Variants in RANBP10 observed in about 807,000 individuals in gnomAD.
RANBP10 encodes the protein RAN binding protein 10.
Under a neutral mutation model 72.8 loss-of-function variants are expected in RANBP10, and 24 were observed. The observed-to-expected ratio is 0.33, with a 90% CI of 0.24 to 0.46. The LOEUF (loss-of-function observed/expected upper bound fraction) is 0.46. Among genes scored for constraint, RANBP10 ranks in the 20% least tolerant of loss-of-function variants. The probability of loss-of-function intolerance (pLI) is 1.00; values close to 1 mark genes in which losing one functional copy is unlikely to be tolerated. For synonymous variants in RANBP10, 310 were observed against 322.3 expected (o/e 0.96, Z 0.41); for missense variants, 679 against 817.5 (o/e 0.83, Z 2.07).
At chr16:67,769,320 T>TA (rs1286727753) in intron 3 of RANBP10, among the ~76,000 whole-genome samples, 1 of 151,090 alleles carries the variant, frequency 6.6e-6, no homozygotes, top group Non-Finnish European at 1.5e-5. Context: ...GGCATGTACT[T>TA]ATAGTCCCAG....
At chr16:67,780,638 T>C (rs1326930068) in intron 2 of RANBP10, among the ~76,000 whole-genome samples, 3 of 152,208 alleles carry the variant, frequency 2.0e-5, no homozygotes, top group Admixed American at 6.5e-5. Context: ...GAAAAATGGA[T>C]TGAAGAACCA....
intron 2 of RANBP10, among the ~76,000 whole-genome samples, chr16:67,772,753 G>C (rs2054631459): frequency 1.3e-5 from 2 of 152,130 alleles, no homozygotes; most frequent in South Asian, 4.1e-4. Context: ...TCTCATTGGA[G>C]TATGCAACCT....
Position 67,727,989 on chromosome 16 carries a change from A to G in RANBP10, c.1475-93T>C. ...GCAGGAAGGACCCCGGGTGGGCTGCAGCTTCTGCCAGAGGCAGGCAGGGCT... is the reference window on the plus strand; with the variant it reads ...GCAGGAAGGACCCCGGGTGGGCTGCGGCTTCTGCCAGAGGCAGGCAGGGCT... On this transcript the variant is annotated intron_variant, in intron 11 of 13. Transcript: ENST00000317506. 2 of 1,401,796 alleles carry G rather than the reference A, an allele frequency of 1.4e-6. 1 individual carries two copies. Among genetic ancestry groups the G allele is most frequent in the South Asian group, 2.4e-5 (2 of 81,736 alleles). The allele number at this position is 1,401,796 out of a possible 1,614,324, so 86.8% of individuals were successfully genotyped here.
At chr16:67,764,398 C>T (rs2054457856) in intron 3 of RANBP10, among the ~76,000 whole-genome samples, 1 of 152,174 alleles carries the variant, frequency 6.6e-6, no homozygotes, top group South Asian at 2.1e-4. Flanking sequence ...CCACTTGCTC[C>T]TAACAACACT....
At chr16:67,784,596 C>T (rs898860164) in intron 2 of RANBP10, among the ~76,000 whole-genome samples, 4 of 151,942 alleles carry the variant, frequency 2.6e-5, no homozygotes, top group African/African-American at 2.4e-5. Context: ...GTGAAGGTTG[C>T]GGTGAGCCAA....
At chr16:67,803,463 C>T (rs1468153792) in intron 2 of RANBP10, among the ~76,000 whole-genome samples, 1 of 151,956 alleles carries the variant, frequency 6.6e-6, no homozygotes, top group Admixed American at 6.6e-5. Flanking sequence ...CCAGCCTGAC[C>T]AACATGGAGA....
At chr16:67,756,547 G>C (rs1205580377) in intron 3 of RANBP10, among the ~76,000 whole-genome samples, 1 of 152,036 alleles carries the variant, frequency 6.6e-6, no homozygotes, top group East Asian at 1.9e-4. Flanking sequence ...TACTAAAAAT[G>C]TAACAATTAG....
At chr16:67,790,862 G>A (rs2055011272) in intron 2 of RANBP10, among the ~76,000 whole-genome samples, 1 of 151,156 alleles carries the variant, frequency 6.6e-6, no homozygotes, top group South Asian at 2.1e-4. Flanking sequence ...ACCATGCCTG[G>A]CTAATTTTTG....
intron 2 of RANBP10, among the ~76,000 whole-genome samples, chr16:67,801,274 C>T (rs140699508): frequency 0.013 from 1,931 of 152,316 alleles, 29 homozygotes; most frequent in Non-Finnish European, 0.02. Flanking sequence ...TGGCCCTACA[C>T]AGCACCATGC....
At chr16:67,734,709 G>T in intron 6 of RANBP10, 149 bp downstream of exon 6, 1 of 764,908 alleles carries the variant, frequency 1.3e-6, no homozygotes. Flanking sequence ...AGAAGCAGGA[G>T]AGCTGCAGGC....
intron 4 of RANBP10, among the ~76,000 whole-genome samples, chr16:67,740,517 C>G (rs59590009): frequency 0.052 from 7,883 of 152,160 alleles, 575 homozygotes; most frequent in African/African-American, 0.17. Context: ...AGAAAAGAAA[C>G]TGAAGCCCTG....
chr16:67,767,817 T>C (rs7197726), intron 3 of RANBP10, among the ~76,000 whole-genome samples: 45,747 of 151,774 alleles, frequency 0.3, 10,347 homozygotes, highest in African/African-American at 0.64. Context: ...AGGATGGTCT[T>C]GATCTCCTGA....
At chr16:67,732,553 C>T (rs940604793) in intron 6 of RANBP10, among the ~76,000 whole-genome samples, 1 of 152,018 alleles carries the variant, frequency 6.6e-6, no homozygotes, top group East Asian at 1.9e-4. Context: ...ACATAAAGTA[C>T]CTGGCAGGAA....
rs186210029 is a variant in RANBP10 at position 67,801,030 on chromosome 16, T to C, written c.347+4398A>G. On this transcript the variant is annotated intron_variant, in intron 2 of 13. Coordinates refer to ENST00000317506, the MANE Select transcript of RANBP10 (RefSeq NM_020850.3). ...GGGCCTGGAACATAGTAGGTATATA[T>C]AAATATTCTGTGAAATCTTGACATG... is the stretch of plus-strand genomic sequence containing the variant. Among the ~76,000 whole-genome samples, 108 of 152,296 alleles carry C rather than the reference T, an allele frequency of 7.1e-4. 2 individuals are homozygous for C. The highest frequency in any genetic ancestry group is 3.9e-4 in the East Asian group (2 of 5,188).
At chr16:67,775,636 T>A (rs997179657) in intron 2 of RANBP10, among the ~76,000 whole-genome samples, 2 of 151,314 alleles carry the variant, frequency 1.3e-5, no homozygotes, top group African/African-American at 2.4e-5. Context: ...AACACGGCAA[T>A]ATCCTGTCTC....
chr16:67,759,344 T>C (rs927665253), intron 3 of RANBP10, among the ~76,000 whole-genome samples: 1 of 152,178 alleles, frequency 6.6e-6, no homozygotes, highest in Non-Finnish European at 1.5e-5. Flanking sequence ...GAACAGCTGC[T>C]CCAGCTAATT....
chr16:67,744,246 G>T, intron 4 of RANBP10, 42 bp downstream of exon 4: 1 of 1,586,530 alleles, frequency 6.3e-7, no homozygotes, highest in South Asian at 1.1e-5. Context: ...CAACCAAAGT[G>T]GCTCCACAGA....
intron 2 of RANBP10, among the ~76,000 whole-genome samples, chr16:67,793,285 G>A (rs977290649): frequency 3.3e-5 from 5 of 151,216 alleles, no homozygotes; most frequent in Non-Finnish European, 7.4e-5. Flanking sequence ...TCCAGACACT[G>A]GCCTTGAGTT....
chr16:67,787,926 C>T (rs1236383378), intron 2 of RANBP10, among the ~76,000 whole-genome samples: 1 of 152,032 alleles, frequency 6.6e-6, no homozygotes, highest in Non-Finnish European at 1.5e-5. Flanking sequence ...GCAACCTCCA[C>T]CTCCTGGGCT....
Sources: gnomAD v4.1 joint callset for allele counts (sites outside exome capture counted in the v4.1 genomes callset) on GRCh38, gnomAD v4.1.1 for gene constraint, MANE v1.5 for transcripts, NCBI Gene and HGNC (gene_info 2026-07-23, HGNC 2026-07-21) for gene names.